Variants in TAFA4 observed in about 807,000 individuals in gnomAD.
The protein encoded by TAFA4 is TAFA chemokine like family member 4.
A neutral mutation model predicts 21.1 loss-of-function variants in TAFA4; 20 were observed. The ratio of observed to expected loss-of-function variants is 0.95; its 90% CI spans 0.67 to 1.38. TAFA4 has a LOEUF of 1.38. Among genes scored for constraint, TAFA4 ranks in the 40% most tolerant of loss-of-function variants. The pLI, the probability that TAFA4 is intolerant of heterozygous loss-of-function variation, is 0.00. For missense variants in TAFA4, 211 were observed against 180.9 expected (o/e 1.17, Z -0.95); for synonymous variants, 71 against 67.4 (o/e 1.05, Z -0.26).
chr3:68,786,073 A>T (rs1703254477), intron 3 of TAFA4, among the ~76,000 whole-genome samples: 1 of 152,212 alleles, frequency 6.6e-6, no homozygotes, highest in African/African-American at 2.4e-5. Flanking sequence ...CAGGAAGGTG[A>T]TCTATATGGC....
At chr3:68,917,761 A>G (rs1365156964) in intron 1 of TAFA4, among the ~76,000 whole-genome samples, 1 of 148,080 alleles carries the variant, frequency 6.8e-6, no homozygotes, top group African/African-American at 2.5e-5. Context: ...CTCAAAAAAA[A>G]AAAAAAAAAA....
intron 2 of TAFA4, among the ~76,000 whole-genome samples, chr3:68,884,577 C>T (rs1377607502): frequency 6.6e-6 from 1 of 152,254 alleles, no homozygotes; most frequent in Non-Finnish European, 1.5e-5. Flanking sequence ...CTCCTGAATT[C>T]ACTTCCCACT....
rs961134345 is a variant in TAFA4 at position 68,749,740 on chromosome 3, C to T, written c.286+3123G>A. On this transcript the variant is annotated intron_variant, in intron 4 of 5. Coordinates refer to ENST00000295569, the MANE Select transcript of TAFA4 (RefSeq NM_182522.5). The stretch of plus-strand genomic sequence containing the variant: ...AATCTCACCTTTCAGGGTACTGGCA[C>T]TCTCTGACCACAAATGTTACACTCA... 9.9e-5 allele frequency among the ~76,000 whole-genome samples: 15 copies of T among 152,204 alleles called. No homozygotes were observed. The South Asian group carries it at 1.2e-3, about 13-fold the overall frequency.
At chr3:68,844,647 G>C (rs1193691691) in intron 3 of TAFA4, among the ~76,000 whole-genome samples, 1 of 152,108 alleles carries the variant, frequency 6.6e-6, no homozygotes, top group Admixed American at 6.5e-5. Flanking sequence ...CTTCCCCTGT[G>C]GGCACTTAGT....
intron 3 of TAFA4, among the ~76,000 whole-genome samples, chr3:68,785,176 G>A (rs926666113): frequency 2.0e-5 from 3 of 152,226 alleles, no homozygotes; most frequent in African/African-American, 7.2e-5. Flanking sequence ...AGTGCCGATT[G>A]ATGTATTTAC....
At chr3:68,754,488 T>C (rs1309779384) in intron 3 of TAFA4, among the ~76,000 whole-genome samples, 1 of 152,222 alleles carries the variant, frequency 6.6e-6, no homozygotes, top group African/African-American at 2.4e-5. Context: ...CAATGCATTT[T>C]TAGCAGATTG....
chr3:68,867,785 T>A (rs76945725), intron 3 of TAFA4, among the ~76,000 whole-genome samples: 3,153 of 152,222 alleles, frequency 0.021, 111 homozygotes, highest in East Asian at 0.12. Flanking sequence ...TTGTTATATC[T>A]ATAAGAAGTT....
At chr3:68,795,718 C>T (rs1333660060) in intron 3 of TAFA4, among the ~76,000 whole-genome samples, 1 of 152,194 alleles carries the variant, frequency 6.6e-6, no homozygotes. Flanking sequence ...GTTTGAAGCT[C>T]AAGCCCATTT....
intron 1 of TAFA4, among the ~76,000 whole-genome samples, chr3:68,897,866 CA>C (rs201616968): frequency 0.2 from 30,676 of 151,230 alleles, 3,714 homozygotes; most frequent in East Asian, 0.49. Flanking sequence ...ATGGTTACCT[CA>C]GGTGAAAGCA....
intron 3 of TAFA4, among the ~76,000 whole-genome samples, chr3:68,858,065 T>C (rs1025039413): frequency 6.6e-6 from 1 of 152,134 alleles, no homozygotes; most frequent in African/African-American, 2.4e-5. Context: ...GACTGTCAGA[T>C]GCCACTCACT....
chr3:68,755,175 C>T (rs1205672041), intron 3 of TAFA4, among the ~76,000 whole-genome samples: 1 of 152,178 alleles, frequency 6.6e-6, no homozygotes, highest in Non-Finnish European at 1.5e-5. Context: ...TTATATCTCC[C>T]ATCACCAACC....
rs114167024 is a variant in TAFA4 at position 68,856,734 on chromosome 3, A to G, written c.130+23996T>C. Among the ~76,000 whole-genome samples the G allele has an allele frequency of 3.6e-3, 554 of 152,328 alleles. 3 individuals are homozygous for G. The highest frequency in any genetic ancestry group is 0.013 in the African/African-American group (535 of 41,580). On this transcript the variant is annotated intron_variant, in intron 3 of 5. Transcript: ENST00000295569. ...ATAGCTTCCACATTCATATGGAAGG[A>G]ATAACAACAAGAATTATACCTCACT...
At chr3:68,905,462 C>T (rs1371417013) in intron 1 of TAFA4, among the ~76,000 whole-genome samples, 1 of 152,016 alleles carries the variant, frequency 6.6e-6, no homozygotes, top group Admixed American at 6.6e-5. Flanking sequence ...GCCACTGCGC[C>T]CGGCCGGTCT....
At chr3:68,894,725 G>A (rs1353943876) in intron 1 of TAFA4, among the ~76,000 whole-genome samples, 1 of 152,186 alleles carries the variant, frequency 6.6e-6, no homozygotes, top group Admixed American at 6.5e-5. Flanking sequence ...TTAACCATGT[G>A]AAAAAGGGTA....
chr3:68,762,626 A>T (rs1702777153), intron 3 of TAFA4, among the ~76,000 whole-genome samples: 1 of 152,188 alleles, frequency 6.6e-6, no homozygotes, highest in African/African-American at 2.4e-5. Context: ...CCCACATAAA[A>T]CTAGTCCCCA....
intron 3 of TAFA4, among the ~76,000 whole-genome samples, chr3:68,873,337 T>TACACACACACACACAC (rs34998311): frequency 0.029 from 3,814 of 133,408 alleles, 156 homozygotes; most frequent in East Asian, 0.11. Flanking sequence ...CACGCAGACA[T>TACACACACACACACAC]ACACACACAC....
At chr3:68,757,484 G>A (rs566247862) in intron 3 of TAFA4, among the ~76,000 whole-genome samples, 4 of 152,122 alleles carry the variant, frequency 2.6e-5, no homozygotes, top group Non-Finnish European at 5.9e-5. Context: ...TGACCCTTGA[G>A]AGTCTGTAAT....
At chr3:68,806,095 T>C (rs1217661218) in intron 3 of TAFA4, among the ~76,000 whole-genome samples, 1 of 152,172 alleles carries the variant, frequency 6.6e-6, no homozygotes, top group Admixed American at 6.6e-5. Flanking sequence ...TTTAAGTACC[T>C]GACAACATTG....
At chr3:68,827,113 C>A (rs1704258276) in intron 3 of TAFA4, among the ~76,000 whole-genome samples, 2 of 150,626 alleles carry the variant, frequency 1.3e-5, no homozygotes, top group Middle Eastern at 3.4e-3. Flanking sequence ...TCAGCTCCCA[C>A]TTATAACTGA....
Sources: allele counts gnomAD v4.1 joint callset (sites outside exome capture counted in the v4.1 genomes callset), GRCh38; gene constraint gnomAD v4.1.1; transcripts MANE v1.5; gene names NCBI Gene and HGNC (gene_info 2026-07-23, HGNC 2026-07-21).